Variants in GTF2I observed in about 807,000 individuals in gnomAD.
The protein encoded by GTF2I is general transcription factor II-I.
Under a neutral mutation model 67.6 loss-of-function variants are expected in GTF2I, and 12 were observed. The observed-to-expected ratio is 0.18, with a 90% confidence interval of 0.11 to 0.29. The LOEUF is 0.29. Ranked by LOEUF, GTF2I falls within the 10% of genes least tolerant of loss-of-function variation. GTF2I has a pLI of 1.00. For missense variants in GTF2I, 271 were observed against 580.1 expected, an observed-to-expected ratio of 0.47 and a Z score of 5.47; for synonymous variants, 149 against 197.0, an observed-to-expected ratio of 0.76 and a Z score of 2.04.
intron 1 of GTF2I, among the ~76,000 whole-genome samples, chr7:74,678,015 C>T (rs187116165): frequency 1.5e-3 from 226 of 151,898 alleles, no homozygotes; most frequent in Non-Finnish European, 2.5e-3. Flanking sequence ...TAGGTTTGGA[C>T]GGAAAATTTC....
In GTF2I at chr7:74,691,123, AT is replaced by A. The variant is rs782799102; in HGVS notation, c.238+17del. On this transcript the variant is annotated intron_variant, in intron 3 of 34. Coordinates refer to ENST00000573035, the MANE Select transcript of GTF2I (RefSeq NM_032999.4). ...TTTTGTAAAATATTGTAAGCATTGT[AT>A]TTTTATCTTTTGCATTTCATTAATT... 1.3e-6 allele frequency: 2 copies of A among 1,553,024 alleles called. No individual in the cohort carries two copies. The highest frequency in any genetic ancestry group is 8.8e-7 in the Non-Finnish European group (1 of 1,131,802).
At chr7:74,711,901 T>A (rs2131401126) in intron 9 of GTF2I, among the ~76,000 whole-genome samples, 1 of 152,170 alleles carries the variant, frequency 6.6e-6, no homozygotes, top group South Asian at 2.1e-4. Flanking sequence ...AGAGGTACTA[T>A]GAACATTGTG....
At chr7:74,673,282 G>A (rs1455389112) in intron 1 of GTF2I, among the ~76,000 whole-genome samples, 1 of 152,178 alleles carries the variant, frequency 6.6e-6, no homozygotes, top group Non-Finnish European at 1.5e-5. Context: ...TAACTAATCT[G>A]AAAAATATAG....
At chr7:74,735,607 T>C in intron 17 of GTF2I, 75 bp downstream of exon 17, 1 of 414,368 alleles carries the variant, frequency 2.4e-6, no homozygotes, top group Non-Finnish European at 4.5e-6. Context: ...TGTTGTTTTA[T>C]TTTAGGAAAG....
At chr7:74,717,134 A>T (rs1584260470) in intron 11 of GTF2I, 184 bp downstream of exon 11, 2 of 665,528 alleles carry the variant, frequency 3.0e-6, no homozygotes, top group East Asian at 6.0e-5. Context: ...CTTTGACCAT[A>T]CTGATTAATA....
At chr7:74,677,096 C>T (rs1260909106) in intron 1 of GTF2I, among the ~76,000 whole-genome samples, 4 of 151,938 alleles carry the variant, frequency 2.6e-5, no homozygotes, top group Non-Finnish European at 5.9e-5. Context: ...ACCGAAAAAA[C>T]CCCAACAGTT....
chr7:74,674,933 A>C (rs1554391931), intron 1 of GTF2I, among the ~76,000 whole-genome samples: 1 of 151,760 alleles, frequency 6.6e-6, no homozygotes, highest in Non-Finnish European at 1.5e-5. Context: ...AGCTCACTGC[A>C]ACTTCTTCCT....
chr7:74,692,459 T>C (rs1351679205), intron 3 of GTF2I, among the ~76,000 whole-genome samples: 1 of 152,192 alleles, frequency 6.6e-6, no homozygotes. Flanking sequence ...AATTAAACAG[T>C]TCTCCTCCAC....
intron 1 of GTF2I, among the ~76,000 whole-genome samples, chr7:74,659,290 C>T (rs1554385314): frequency 2.0e-5 from 3 of 151,918 alleles, no homozygotes; most frequent in South Asian, 2.1e-4. Context: ...CAGAGTGGCA[C>T]AATCATAGCA....
intron 12 of GTF2I, chr7:74,728,154 T>A (rs1191613274): frequency 1.3e-5 from 2 of 151,922 alleles, no homozygotes; most frequent in East Asian, 1.9e-4. Context: ...ATACAAAAAT[T>A]AGCCGGGCGC....
At chr7:74,723,186 C>A (rs2131468056) in intron 12 of GTF2I, among the ~76,000 whole-genome samples, 1 of 144,744 alleles carries the variant, frequency 6.9e-6, no homozygotes, top group South Asian at 2.2e-4. Flanking sequence ...TGCAGTGGCG[C>A]AATCTCGGCT....
intron 1 of GTF2I, among the ~76,000 whole-genome samples, chr7:74,685,714 C>T (rs894646607): frequency 2.0e-5 from 3 of 151,790 alleles, no homozygotes; most frequent in African/African-American, 7.3e-5. Context: ...TTGCAGGGAA[C>T]CCAGAACGTG....
intron 11 of GTF2I, among the ~76,000 whole-genome samples, chr7:74,717,373 A>G (rs1424247444): frequency 1.3e-5 from 2 of 152,182 alleles, no homozygotes; most frequent in African/African-American, 2.4e-5. Flanking sequence ...CATAAAATTT[A>G]TACAGGAGAG....
intron 12 of GTF2I, among the ~76,000 whole-genome samples, chr7:74,725,585 T>C (rs1242729109): frequency 6.6e-6 from 1 of 151,292 alleles, no homozygotes; most frequent in Non-Finnish European, 1.5e-5. Flanking sequence ...TCCCAGCTAT[T>C]TGGGAGGCTG....
intron 11 of GTF2I, among the ~76,000 whole-genome samples, chr7:74,718,621 A>G (rs191705792): frequency 1.6e-3 from 247 of 152,340 alleles, no homozygotes; most frequent in Non-Finnish European, 3.2e-3. Context: ...CTCCAAGACT[A>G]TGGGATTTTT....
At chr7:74,717,776 A>T (rs1316026933) in intron 11 of GTF2I, among the ~76,000 whole-genome samples, 4 of 152,058 alleles carry the variant, frequency 2.6e-5, no homozygotes, top group Non-Finnish European at 5.9e-5. Flanking sequence ...ACCTTCTTTG[A>T]GGGAAAGGCA....
chr7:74,699,078 A>G lies in GTF2I; in HGVS notation c.356A>G (p.Tyr119Cys), dbSNP rs150259949. 1.6e-5 allele frequency: 24 copies of G among 1,512,266 alleles called. No homozygotes were observed. Among genetic ancestry groups the G allele is most frequent in the Non-Finnish European group, 2.0e-5 (23 of 1,126,728 alleles). The allele number at this position is 1,512,266 out of a possible 1,614,324, so 93.7% of individuals were successfully genotyped here. Residue 119 changes from tyrosine (Y) to cysteine (C), a missense_variant, in exon 4 of 35, where the codon TAT becomes TGT. This residue lies in a region of GTF2I where 72 missense variants were observed against 87.4 expected (regional missense o/e 0.82). Coordinates refer to ENST00000573035, the MANE Select transcript of GTF2I (RefSeq NM_032999.4). The part of the protein sequence containing the change: ...IETLRKTVED[Y>C]FCFCYGKALG... Reference sequence around the variant, plus strand: ...ACACTCAGAAAAACAGTTGAGGACTATTTCTGCTTTTGCTATGGTAAAAAC... The same window carrying G: ...ACACTCAGAAAAACAGTTGAGGACTGTTTCTGCTTTTGCTATGGTAAAAAC...
rs1347573638 is a variant in GTF2I, at chr7:74,733,920, C to T, written c.1305-3C>T. The T allele has an allele frequency of 3.1e-6, 5 of 1,611,410 alleles. No individual in the cohort carries two copies. Among genetic ancestry groups the T allele is most frequent in the Admixed American group, 1.7e-5 (1 of 59,938 alleles). On this transcript the variant is annotated splice_region_variant and splice_polypyrimidine_tract_variant and intron_variant, in intron 15 of 34. Transcript: ENST00000573035. ...TTATTGAGTATTTATTCTCACCTTTCAGACATGAGCTTCTGAATTCAACAC... is the reference window on the plus strand; with the variant it reads ...TTATTGAGTATTTATTCTCACCTTTTAGACATGAGCTTCTGAATTCAACAC...
At chr7:74,706,298 G>C (rs1790674852) in intron 7 of GTF2I, 92 bp from the exon 8 acceptor site, 1 of 1,027,418 alleles carries the variant, frequency 9.7e-7, no homozygotes, top group Non-Finnish European at 1.5e-6. Flanking sequence ...TCAAGGGAGG[G>C]ATCTTAACAC....
Sources: allele counts gnomAD v4.1 joint callset (sites outside exome capture counted in the v4.1 genomes callset), GRCh38; gene constraint gnomAD v4.1.1; regional missense constraint gnomAD v4.1.1; transcripts MANE v1.5; gene names NCBI Gene and HGNC (gene_info 2026-07-23, HGNC 2026-07-21).